The following ATG5 variants were observed in gnomAD, a reference collection of about 807,000 sequenced individuals.
ATG5 encodes the protein autophagy related 5.
ATG5 carries 14 observed loss-of-function variants against 36.5 expected under a neutral mutation model. The ratio of observed to expected loss-of-function variants is 0.38; its 90% confidence interval spans 0.25 to 0.60. The LOEUF (loss-of-function observed/expected upper bound fraction) is 0.60. Ranked by LOEUF, ATG5 falls within the 20% of genes least tolerant of loss-of-function variation. ATG5 has a pLI of 0.60. For missense variants in ATG5, 195 were observed against 326.7 expected, an observed-to-expected ratio of 0.60 and a Z score of 3.11; for synonymous variants, 95 against 101.5, an observed-to-expected ratio of 0.94 and a Z score of 0.38.
At chr6:106,308,680 G>A (rs1233060757) in intron 2 of ATG5, among the ~76,000 whole-genome samples, 189 bp from the exon 3 acceptor site, 1 of 151,946 alleles carries the variant, frequency 6.6e-6, no homozygotes, top group East Asian at 1.9e-4. Context: ...ATTTCTTATG[G>A]GGCCATTACT....
intron 5 of ATG5, among the ~76,000 whole-genome samples, chr6:106,260,267 A>C (rs1778965900): frequency 6.6e-6 from 1 of 152,250 alleles, no homozygotes; most frequent in Non-Finnish European, 1.5e-5. Context: ...TTTTTTAAAA[A>C]AGAAAAAATA....
chr6:106,250,578 CAAT>C (rs774915993), intron 5 of ATG5, among the ~76,000 whole-genome samples: 99 of 152,308 alleles, frequency 6.5e-4, no homozygotes, highest in Non-Finnish European at 1.2e-3. Flanking sequence ...ACATATGAAG[CAAT>C]TATTCTGTCA....
At chr6:106,245,981 T>C (rs749726680) in intron 6 of ATG5, among the ~76,000 whole-genome samples, 2 of 152,154 alleles carry the variant, frequency 1.3e-5, no homozygotes, top group East Asian at 1.9e-4. Flanking sequence ...AAGGCCATGG[T>C]TGAAGACTGA....
At chr6:106,234,539 C>T (rs1777818198) in intron 6 of ATG5, among the ~76,000 whole-genome samples, 1 of 152,214 alleles carries the variant, frequency 6.6e-6, no homozygotes, top group Non-Finnish European at 1.5e-5. Context: ...GGTAACTCCT[C>T]CCACACGAAT....
intron 1 of ATG5, among the ~76,000 whole-genome samples, chr6:106,323,884 T>C (rs772272390): frequency 2.9e-4 from 44 of 152,328 alleles, no homozygotes; most frequent in Middle Eastern, 3.4e-3. Flanking sequence ...CATTTCCACC[T>C]AAGTATCCAC....
At chr6:106,205,056 T>C (rs747229447) in intron 6 of ATG5, among the ~76,000 whole-genome samples, 3 of 152,228 alleles carry the variant, frequency 2.0e-5, no homozygotes, top group Non-Finnish European at 4.4e-5. Flanking sequence ...CTTCAGGCCA[T>C]GAAGAAGCTT....
At chr6:106,261,183 A>C (rs1186312420) in intron 5 of ATG5, among the ~76,000 whole-genome samples, 1 of 152,196 alleles carries the variant, frequency 6.6e-6, no homozygotes, top group Non-Finnish European at 1.5e-5. Flanking sequence ...AATACACAGA[A>C]CACACATTAT....
chr6:106,300,965 G>A (rs939737182), intron 3 of ATG5, among the ~76,000 whole-genome samples: 1 of 151,868 alleles, frequency 6.6e-6, no homozygotes, highest in African/African-American at 2.4e-5. Context: ...TCTAAATTTC[G>A]TGCTTGAAGG....
intron 3 of ATG5, among the ~76,000 whole-genome samples, chr6:106,296,658 C>T (rs912058874): frequency 6.6e-6 from 1 of 151,902 alleles, no homozygotes; most frequent in Non-Finnish European, 1.5e-5. Context: ...TCTCTACTAA[C>T]AATACAAAAA....
intron 6 of ATG5, among the ~76,000 whole-genome samples, chr6:106,216,398 CAACT>C (rs1161017266): frequency 1.3e-4 from 20 of 151,988 alleles, no homozygotes; most frequent in Admixed American, 1.3e-3. Flanking sequence ...TATCTTCATA[CAACT>C]ATTACTGGGC....
chr6:106,250,472 C>T (rs1778529367), intron 5 of ATG5, among the ~76,000 whole-genome samples: 2 of 152,216 alleles, frequency 1.3e-5, no homozygotes, highest in African/African-American at 2.4e-5. Flanking sequence ...AGACCAGAAT[C>T]TTGGTCTTCC....
At chr6:106,198,867 T>C (rs1776307977) in intron 7 of ATG5, among the ~76,000 whole-genome samples, 1 of 151,608 alleles carries the variant, frequency 6.6e-6, no homozygotes, top group South Asian at 2.1e-4. Flanking sequence ...GTGTATCTGA[T>C]AAAGAACTTG....
chr6:106,314,319 G>C (rs1301291656), intron 2 of ATG5, among the ~76,000 whole-genome samples: 1 of 152,184 alleles, frequency 6.6e-6, no homozygotes, highest in Non-Finnish European at 1.5e-5. Context: ...CATTTTGGAA[G>C]GCCGAGGCGG....
chr6:106,251,599 G>A (rs1343234265), intron 5 of ATG5, among the ~76,000 whole-genome samples: 4 of 122,306 alleles, frequency 3.3e-5, no homozygotes, highest in Non-Finnish European at 5.0e-5. Context: ...TATTAAAAAG[G>A]TATTTTCCCA....
chr6:106,216,155 T>C (rs1025260883), intron 6 of ATG5, among the ~76,000 whole-genome samples: 2 of 152,168 alleles, frequency 1.3e-5, no homozygotes, highest in Non-Finnish European at 2.9e-5. Flanking sequence ...GGTAGAAATG[T>C]AAAATGGTGC....
chr6:106,269,860 A>G (rs1291242754), intron 5 of ATG5, among the ~76,000 whole-genome samples: 1 of 152,228 alleles, frequency 6.6e-6, no homozygotes, highest in Middle Eastern at 3.2e-3. Context: ...CCCACAGTGC[A>G]GCGGTGGGCT....
chr6:106,192,982 C>A (rs1038710280), intron 7 of ATG5, among the ~76,000 whole-genome samples: 3 of 152,072 alleles, frequency 2.0e-5, no homozygotes, highest in Admixed American at 2.0e-4. Flanking sequence ...TAATAGTCAG[C>A]GAGGTCAGGT....
intron 6 of ATG5, among the ~76,000 whole-genome samples, chr6:106,207,936 A>T (rs1364347685): frequency 6.6e-6 from 1 of 152,138 alleles, no homozygotes; most frequent in Non-Finnish European, 1.5e-5. Flanking sequence ...TACTAAAAAT[A>T]CAAAAACTAG....
chr6:106,304,736 A>C (rs1026913478), intron 3 of ATG5, among the ~76,000 whole-genome samples: 19 of 152,188 alleles, frequency 1.2e-4, no homozygotes, highest in African/African-American at 4.6e-4. Flanking sequence ...TATTATCTTG[A>C]TTTTGTAAGT....
Sources: gnomAD v4.1 joint callset for allele counts (sites outside exome capture counted in the v4.1 genomes callset) on GRCh38, gnomAD v4.1.1 for gene constraint, MANE v1.5 for transcripts, NCBI Gene and HGNC (gene_info 2026-07-23, HGNC 2026-07-21) for gene names.